MYO5B: variants seen among roughly 807,000 people sequenced by gnomAD.
The protein encoded by MYO5B is unconventional myosin-Vb.
In MYO5B, 143 loss-of-function variants were observed where a neutral mutation model predicts 229.3. The observed-to-expected ratio is 0.62, with a 90% CI of 0.54 to 0.72. MYO5B has a LOEUF of 0.72. Among genes scored for constraint, MYO5B ranks in the 30% least tolerant of loss-of-function variants. The pLI is 0.00. For missense variants in MYO5B, 2,321 were observed against 2,331.0 expected (o/e 1.00, Z 0.09); for synonymous variants, 918 against 885.2 (o/e 1.04, Z -0.66).
At chr18:49,978,484 C>T (rs1056401762) in intron 9 of MYO5B, among the ~76,000 whole-genome samples, 14 of 152,040 alleles carry the variant, frequency 9.2e-5, no homozygotes, top group African/African-American at 3.1e-4. Context: ...ATCAGCCTCA[C>T]TAAGATCTCA....
At chr18:50,107,990 C>T (rs1367093003) in intron 1 of MYO5B, among the ~76,000 whole-genome samples, 8 of 149,282 alleles carry the variant, frequency 5.4e-5, no homozygotes, top group Non-Finnish European at 1.0e-4. Flanking sequence ...CTCACTACAA[C>T]CTTCGCCTCC....
intron 17 of MYO5B, 98 bp downstream of exon 17, chr18:49,929,414 C>G (rs921163450): frequency 1.1e-6 from 1 of 933,716 alleles, no homozygotes; most frequent in Non-Finnish European, 1.6e-6. Flanking sequence ...TTTGAAGGAT[C>G]TGTTTCTGGC....
At chr18:49,990,407 C>T (rs2025917093) in intron 7 of MYO5B, 32 bp downstream of exon 7, 1 of 1,582,882 alleles carries the variant, frequency 6.3e-7, no homozygotes, top group Non-Finnish European at 8.7e-7. Context: ...AGTAGCCCAC[C>T]CCAGAGGATA....
intron 8 of MYO5B, among the ~76,000 whole-genome samples, chr18:49,983,186 CA>C (rs2025834834): frequency 1.3e-5 from 2 of 152,194 alleles, no homozygotes; most frequent in African/African-American, 4.8e-5. Context: ...GCCCTGTAAA[CA>C]TTTCTCCTTT....
intron 26 of MYO5B, among the ~76,000 whole-genome samples, 172 bp from the exon 27 acceptor site, chr18:49,872,404 C>A (rs2024466149): frequency 6.6e-6 from 1 of 152,002 alleles, no homozygotes; most frequent in Admixed American, 6.6e-5. Flanking sequence ...AACACTCCAG[C>A]CTACCATGAA....
intron 1 of MYO5B, among the ~76,000 whole-genome samples, chr18:50,091,282 A>G (rs1473348464): frequency 6.6e-6 from 1 of 152,190 alleles, no homozygotes; most frequent in Non-Finnish European, 1.5e-5. Flanking sequence ...ACTAACATCA[A>G]TGCTATGCAT....
intron 1 of MYO5B, among the ~76,000 whole-genome samples, chr18:50,132,469 G>A (rs2032269125): frequency 6.6e-6 from 1 of 152,192 alleles, no homozygotes; most frequent in Non-Finnish European, 1.5e-5. Flanking sequence ...CATCACAATG[G>A]TTCTGTGTAA....
At chr18:49,949,869 T>A (rs2025414230) in intron 14 of MYO5B, among the ~76,000 whole-genome samples, 1 of 152,200 alleles carries the variant, frequency 6.6e-6, no homozygotes, top group African/African-American at 2.4e-5. Flanking sequence ...ATAGGGCTAC[T>A]ATGAAAACTA....
intron 1 of MYO5B, among the ~76,000 whole-genome samples, chr18:50,117,689 C>G (rs1790433): frequency 0.98 from 148,509 of 152,210 alleles, 72,567 homozygotes; most frequent in East Asian, 1. Context: ...ATTCCCAGCA[C>G]AGCAGGAGAG....
chr18:49,904,875 C>A, intron 19 of MYO5B, 47 bp from the exon 20 acceptor site: 1 of 1,602,868 alleles, frequency 6.2e-7, no homozygotes, highest in South Asian at 1.1e-5. Flanking sequence ...GAGTATTGAC[C>A]GCCCTGATGC....
rs17715416 is a variant in MYO5B, at chr18:49,962,255, A to G, written c.1545+11T>C. The G allele has an allele frequency of 0.38, 611,246 of 1,613,492 alleles. 119,175 individuals are homozygous for G. Among genetic ancestry groups the G allele is most frequent in the South Asian group, 0.52 (47,402 of 91,048 alleles). On this transcript the variant is annotated intron_variant, in intron 12 of 39. Coordinates refer to ENST00000285039, the MANE Select transcript of MYO5B (RefSeq NM_001080467.3). ...CCCTAGAATTGAACTAATTTGCATCATCAGTTTTACCTTACATTCTTCATC... is the reference window on the plus strand; with the variant it reads ...CCCTAGAATTGAACTAATTTGCATCGTCAGTTTTACCTTACATTCTTCATC...
Position 50,139,006 on chromosome 18 carries a change from C to G in MYO5B, c.27+55761G>C, listed in dbSNP as rs1457830095. 2.0e-5 allele frequency among the ~76,000 whole-genome samples: 3 copies of G among 152,210 alleles called. No homozygotes were observed. In the East Asian group the frequency reaches 5.8e-4, roughly 29 times the overall value. On this transcript the variant is annotated intron_variant, in intron 1 of 39. Coordinates refer to ENST00000285039, the MANE Select transcript of MYO5B (RefSeq NM_001080467.3). ...CAGGACCCTGTTCTCAACTAATAAA[C>G]AATCCAAGTTAACCCATGCCAGTTA... is the stretch of plus-strand genomic sequence containing the variant.
At chr18:49,894,053 C>A (rs1292539796) in intron 22 of MYO5B, among the ~76,000 whole-genome samples, 1 of 152,164 alleles carries the variant, frequency 6.6e-6, no homozygotes, top group Non-Finnish European at 1.5e-5. Flanking sequence ...TCTGCACATG[C>A]TTGGGAATGG....
intron 1 of MYO5B, among the ~76,000 whole-genome samples, chr18:50,089,792 A>G (rs2144486351): frequency 6.6e-6 from 1 of 152,328 alleles, no homozygotes; most frequent in Admixed American, 6.5e-5. Context: ...CCACCCAACA[A>G]GGCGATTCCC....
At chr18:50,131,652 G>C (rs1181641630) in intron 1 of MYO5B, among the ~76,000 whole-genome samples, 1 of 152,156 alleles carries the variant, frequency 6.6e-6, no homozygotes, top group Non-Finnish European at 1.5e-5. Flanking sequence ...TGCATTAAAA[G>C]CATTTGTAGC....
intron 30 of MYO5B, among the ~76,000 whole-genome samples, chr18:49,854,569 T>C (rs1296989432): frequency 1.3e-5 from 2 of 152,196 alleles, no homozygotes; most frequent in Non-Finnish European, 2.9e-5. Context: ...GGAAGAAAGC[T>C]AGGGTGCTGG....
In MYO5B at chr18:49,864,218, C is replaced by T; in HGVS notation, c.3766G>A (p.Val1256Met). 1 of 1,613,938 alleles carries T rather than the reference C, an allele frequency of 6.2e-7. No homozygotes were observed. Among genetic ancestry groups the T allele is most frequent in the East Asian group, 2.2e-5 (1 of 44,884 alleles). The change falls in exon 28 of 40, where the codon GTG becomes ATG. Residue 1256 changes from valine (V) to methionine (M), a missense_variant. Coordinates refer to ENST00000285039, the MANE Select transcript of MYO5B (RefSeq NM_001080467.3). ...QLKLAHEELE[V>M]RKEEVLILRT... is the part of the protein sequence containing the mutation. ...AGGATGAGCACCTCCTCCTTGCGCA[C>T]CTCGAGCTCCTCGTGGGCCAGCTTG... is the stretch of plus-strand genomic sequence containing the variant.
intron 1 of MYO5B, among the ~76,000 whole-genome samples, chr18:50,090,920 C>T (rs1167378977): frequency 6.6e-6 from 1 of 152,198 alleles, no homozygotes; most frequent in Admixed American, 6.5e-5. Flanking sequence ...ACTTTTTCAG[C>T]AGAAACAATT....
intron 2 of MYO5B, among the ~76,000 whole-genome samples, chr18:50,048,796 G>T (rs1452851727): frequency 6.6e-6 from 1 of 152,100 alleles, no homozygotes; most frequent in Non-Finnish European, 1.5e-5. Flanking sequence ...GCAGAGGCTG[G>T]CAGATCACCT....
Sources: allele counts gnomAD v4.1 joint callset (sites outside exome capture counted in the v4.1 genomes callset), GRCh38; gene constraint gnomAD v4.1.1; transcripts MANE v1.5; gene names NCBI Gene and HGNC (gene_info 2026-07-23, HGNC 2026-07-21).